Variants in LILRB4 observed in about 807,000 individuals in gnomAD.
The protein encoded by LILRB4 is leukocyte immunoglobulin like receptor B4, also known as leukocyte immunoglobulin-like receptor subfamily B member 4.
Under a neutral mutation model 55.2 loss-of-function variants are expected in LILRB4, and 49 were observed. The observed-to-expected ratio is 0.89, with a 90% CI of 0.71 to 1.13. LILRB4 has a LOEUF of 1.13. Ranked by LOEUF, LILRB4 falls within the 50% of genes most tolerant of loss-of-function variation. The pLI is 0.00. For synonymous variants in LILRB4, 229 were observed against 213.8 expected, an observed-to-expected ratio of 1.07 and a Z score of -0.62; for missense variants, 590 against 555.2, an observed-to-expected ratio of 1.06 and a Z score of -0.63.
rs553541840 is a variant in LILRB4, at chr19:54,666,204, G to T, written c.875-36G>T. On this transcript the variant is annotated intron_variant, in intron 7 of 11. Coordinates refer to ENST00000430952, the Ensembl canonical transcript of LILRB4. This position sits in a 1 kb window ranked among gnomAD's most constrained non-coding sequence, Gnocchi z 4.8. ...CATGTGCAAGGCAGGTGGTTCTAAC[G>T]TTCCCAGAGCTGAGACTCTGTCCAT... The T allele has an allele frequency of 5.8e-6, 9 of 1,540,132 alleles. No individual in the cohort carries two copies. The highest frequency in any genetic ancestry group is 5.0e-5 in the South Asian group (4 of 79,536).
At chr19:54,664,070 G>T in intron 3 of LILRB4, 32 bp downstream of exon 3, 2 of 1,609,710 alleles carry the variant, frequency 1.2e-6, no homozygotes, top group South Asian at 2.2e-5. Flanking sequence ...CCAGCCCCAG[G>T]CTCTGCCCTC....
chr19:54,662,993 C>G (rs1201581749), upstream of LILRB4: 5 of 1,614,070 alleles, frequency 3.1e-6, no homozygotes, highest in Non-Finnish European at 4.2e-6. Flanking sequence ...GCACTGAGGA[C>G]TCATCCATCT....
intron 5 of LILRB4, 81 bp downstream of exon 5, chr19:54,664,930 C>A: frequency 1.4e-6 from 2 of 1,444,236 alleles, no homozygotes; most frequent in Non-Finnish European, 1.9e-6. Context: ...TCTAAGTCCT[C>A]GTTCCAATTC....
chr19:54,667,778 A>C (rs11574592), exon 11 of LILRB4: 3 of 1,587,922 alleles, frequency 1.9e-6, no homozygotes, highest in Non-Finnish European at 2.6e-6. Context: ...AAGAGGACAG[A>C]CAGATGGACA....
At position 54,666,669 on chromosome 19, in the gene LILRB4, A is replaced by C. The variant is rs1266552932; in HGVS notation, c.989-28A>C. The C allele has an allele frequency of 6.2e-7, 1 of 1,612,018 alleles. No individual in the cohort carries two copies. Among genetic ancestry groups the C allele is most frequent in the Non-Finnish European group, 8.5e-7 (1 of 1,178,590 alleles). On this transcript the variant is annotated intron_variant, in intron 9 of 11. Coordinates refer to ENST00000430952, the Ensembl canonical transcript of LILRB4. The surrounding 1 kb of genome is among the most constrained non-coding windows in gnomAD (Gnocchi z 4.8). Reference sequence around the variant, plus strand: ...AGAGGTCCCAGGGAACCTTCCCAGGAGATGAACCCCTTGCTCTACCCCAGC... The same window carrying C: ...AGAGGTCCCAGGGAACCTTCCCAGGCGATGAACCCCTTGCTCTACCCCAGC...
At chr19:54,664,740 T>G in intron 4 of LILRB4, 59 bp from the exon 5 acceptor site, 1 of 1,329,100 alleles carries the variant, frequency 7.5e-7, no homozygotes, top group South Asian at 1.4e-5. Flanking sequence ...AGGTTCAATT[T>G]GATGTGGAGA....
chr19:54,665,091 C>G lies in LILRB4; in HGVS notation c.707-39C>G. ...GGAGAAGCCGAGCTGATGTGGGGAG[C>G]AGGGCAGCCCCAGCCCTCACATCCC... On this transcript the variant is annotated intron_variant, in intron 5 of 11. Coordinates refer to ENST00000430952, the Ensembl canonical transcript of LILRB4. This position sits in a 1 kb window ranked among gnomAD's most constrained non-coding sequence, Gnocchi z 5.5. The G allele has an allele frequency of 6.2e-7, 1 of 1,603,260 alleles. No homozygotes were observed. Among genetic ancestry groups the G allele is most frequent in the Non-Finnish European group, 8.5e-7 (1 of 1,171,810 alleles).
intron 10 of LILRB4, chr19:54,667,353 G>A (rs148311575): frequency 0.033 from 20,384 of 624,706 alleles, 457 homozygotes; most frequent in African/African-American, 0.078. Flanking sequence ...TCTAATGGAC[G>A]AGCCCCTGCA....
At chr19:54,667,997 A>G (rs780505224) in exon 12 of LILRB4, 12 of 1,614,054 alleles carry the variant, frequency 7.4e-6, no homozygotes, top group South Asian at 2.2e-5. Flanking sequence ...CCCAGTGTCT[A>G]TGCCACTCTG....
In LILRB4 at chr19:54,665,983, A is replaced by G. The variant is rs746035246; in HGVS notation, c.874+52A>G. ...GGCTGATGGAGGGTGGGCTCAGGGC[A>G]CCAGCCAAAGGGACTCCAGATAGGA... On this transcript the variant is annotated intron_variant, in intron 7 of 11. Transcript: ENST00000430952. The surrounding 1 kb of genome is among the most constrained non-coding windows in gnomAD (Gnocchi z 5.5). 4 of 1,611,054 alleles carry G rather than the reference A, an allele frequency of 2.5e-6. No homozygotes were observed. Among genetic ancestry groups the G allele is most frequent in the Non-Finnish European group, 3.4e-6 (4 of 1,177,982 alleles).
intron 10 of LILRB4, 63 bp from the exon 11 acceptor site, chr19:54,667,572 G>A (rs572097855): frequency 1.2e-6 from 2 of 1,601,412 alleles, no homozygotes; most frequent in African/African-American, 1.3e-5. Flanking sequence ...GGAACAGTGG[G>A]GAAAATTGAC....
At chr19:54,663,129 GC>G (rs2146368306) in intron 1 of LILRB4, 62 bp downstream of exon 1, 1 of 1,569,458 alleles carries the variant, frequency 6.4e-7, no homozygotes, top group East Asian at 2.3e-5. Context: ...TCACAGCCAG[GC>G]CCTGGTTCTT....
At chr19:54,664,411 G>A (rs2065170928) in exon 4 of LILRB4, 1 of 1,613,630 alleles carries the variant, frequency 6.2e-7, no homozygotes, top group African/African-American at 1.3e-5. Context: ...GGGACCTACA[G>A]GTGCTTCAGC....
chr19:54,667,473 G>C, intron 10 of LILRB4, 162 bp from the exon 11 acceptor site: 5 of 1,383,756 alleles, frequency 3.6e-6, no homozygotes, highest in Non-Finnish European at 3.9e-6. Flanking sequence ...GCAGAGACCA[G>C]AACCACAGGG....
Position 54,665,191 on chromosome 19 carries a change from G to A in LILRB4, c.757+11G>A, listed in dbSNP as rs761513250. ...CAGTCCCCCACAGTGGTGAGTGAGG[G>A]GCTCTGAGTGGGAGGTGGGCAGGGT... On this transcript the variant is annotated intron_variant, in intron 6 of 11. Coordinates refer to ENST00000430952, the Ensembl canonical transcript of LILRB4. This position sits in a 1 kb window ranked among gnomAD's most constrained non-coding sequence, Gnocchi z 5.5. The A allele has an allele frequency of 7.5e-6, 12 of 1,590,884 alleles. No homozygotes were observed. In the South Asian group the frequency reaches 1.4e-4, roughly 18 times the overall value.
chr19:54,666,441 G>A lies in LILRB4; in HGVS notation c.988+5G>A, dbSNP rs770210253. The A allele has an allele frequency of 1.2e-6, 2 of 1,614,182 alleles. No individual in the cohort carries two copies. The highest frequency in any genetic ancestry group is 1.7e-6 in the Non-Finnish European group (2 of 1,179,978). On this transcript the variant is annotated splice_donor_5th_base_variant and intron_variant, in intron 9 of 11. Coordinates refer to ENST00000430952, the Ensembl canonical transcript of LILRB4. The surrounding 1 kb of genome is among the most constrained non-coding windows in gnomAD (Gnocchi z 4.8). Reference sequence around the variant, plus strand: ...ACGTCCAGGGAGAAAACTTCTGTGAGTGAGAGGCAGAGAAGGTGCACCTGG... The same window carrying A: ...ACGTCCAGGGAGAAAACTTCTGTGAATGAGAGGCAGAGAAGGTGCACCTGG...
chr19:54,668,110 C>A, exon 12 of LILRB4: 2 of 1,454,206 alleles, frequency 1.4e-6, no homozygotes, highest in Non-Finnish European at 1.9e-6. Flanking sequence ...TGAACCCCAG[C>A]CAGCCCAGAC....
chr19:54,666,492 C>T lies in LILRB4; in HGVS notation c.988+56C>T, dbSNP rs2065270641. 1 of 1,589,668 alleles carries T rather than the reference C, an allele frequency of 6.3e-7. No individual in the cohort carries two copies. The highest frequency in any genetic ancestry group is 8.6e-7 in the Non-Finnish European group (1 of 1,160,730). The stretch of plus-strand genomic sequence containing the variant: ...GGTGGAGCTGGGGGTCCCAAAATTT[C>T]AATAGCAATGGGGGCAGGAGCACAG... On this transcript the variant is annotated intron_variant, in intron 9 of 11. Coordinates refer to ENST00000430952, the Ensembl canonical transcript of LILRB4. The surrounding 1 kb of genome is among the most constrained non-coding windows in gnomAD (Gnocchi z 4.8).
At position 54,666,267 on chromosome 19, in the gene LILRB4, C is replaced by T. The variant is rs749576520; in HGVS notation, c.902C>T (p.Pro301Leu). 6.2e-7 allele frequency: 1 copy of T among 1,608,246 alleles called. No individual in the cohort carries two copies. Among genetic ancestry groups the T allele is most frequent in the Admixed American group, 1.7e-5 (1 of 59,256 alleles). ...CAGAGACAGGCTGATTTCCAACGTCCTCCAGGGGCTGCCGAGCCAGAGCCC... is the reference window on the plus strand; with the variant it reads ...CAGAGACAGGCTGATTTCCAACGTCTTCCAGGGGCTGCCGAGCCAGAGCCC... The change falls in exon 8 of 12, where the codon CCT (proline) becomes CTT (leucine). Residue 301 changes from proline (P) to leucine (L), a missense_variant. Transcript: ENST00000430952. The surrounding 1 kb of genome is among the most constrained non-coding windows in gnomAD (Gnocchi z 4.8).
Sources: gnomAD v4.1 joint callset for allele counts on GRCh38, gnomAD v4.1.1 for gene constraint, Gnocchi (gnomAD v3.1) non-coding constraint, MANE v1.5 for transcripts, NCBI Gene and HGNC (gene_info 2026-07-23, HGNC 2026-07-21) for gene names.